SCIN: variants seen among roughly 807,000 people sequenced by gnomAD.
SCIN encodes the protein scinderin, also known as adseverin.
A neutral mutation model predicts 91.8 loss-of-function variants in SCIN; 91 were observed. The ratio of observed to expected loss-of-function variants is 0.99; its 90% CI spans 0.84 to 1.18. SCIN has a LOEUF of 1.18. SCIN is among the 50% of genes most tolerant of loss of function. SCIN has a pLI of 0.00. For synonymous variants in SCIN, 367 were observed against 312.6 expected, an observed-to-expected ratio of 1.17 and a Z score of -1.84; for missense variants, 1,087 against 863.9, an observed-to-expected ratio of 1.26 and a Z score of -3.24.
At position 12,622,889 on chromosome 7, in the gene SCIN, A is replaced by G; in HGVS notation, c.755A>G (p.Tyr252Cys). ...DISNRKMAKL[Y>C]MVSDASGSMR... ...AGTAACAGGAAAATGGCTAAACTAT[A>G]CATGGTGAGTTCACTGTAACCAAAT... is the stretch of plus-strand genomic sequence containing the variant. The change falls in exon 5 of 16, where the codon TAC becomes TGC. Residue 252 changes from tyrosine to cysteine, a missense_variant. Transcript: ENST00000297029. 6.2e-7 allele frequency: 1 copy of G among 1,609,020 alleles called. No homozygotes were observed. Among genetic ancestry groups the G allele is most frequent in the South Asian group, 1.1e-5 (1 of 90,870 alleles).
chr7:12,621,207 C>T (rs1031287121), intron 4 of SCIN, among the ~76,000 whole-genome samples: 6 of 152,084 alleles, frequency 3.9e-5, no homozygotes, highest in African/African-American at 1.4e-4. Flanking sequence ...TTATATACCC[C>T]AGTGACCTCA....
chr7:12,578,491 C>T (rs985184447), intron 2 of SCIN, among the ~76,000 whole-genome samples: 4 of 152,072 alleles, frequency 2.6e-5, no homozygotes, highest in Admixed American at 6.5e-5. Flanking sequence ...TCAGTTGTGT[C>T]TTCACAAGAT....
chr7:12,638,356 G>T (rs973762777), intron 10 of SCIN, among the ~76,000 whole-genome samples: 1 of 152,138 alleles, frequency 6.6e-6, no homozygotes, highest in Non-Finnish European at 1.5e-5. Context: ...CCTGCCTGTT[G>T]TCTTTGGCCA....
chr7:12,592,379 A>G (rs1421743834), intron 3 of SCIN, among the ~76,000 whole-genome samples: 5 of 152,122 alleles, frequency 3.3e-5, no homozygotes, highest in Non-Finnish European at 7.3e-5. Context: ...TGTTGGTCTA[A>G]GAAGACTGCA....
rs1180673298 is a variant in SCIN at position 12,622,973 on chromosome 7, T to C, written c.759+80T>C. On this transcript the variant is annotated intron_variant, in intron 5 of 15. Transcript: ENST00000297029. Reference sequence around the variant, plus strand: ...AGGCCTGTATTGGGCGGGATTCCCGTTGCTGCAGTTGAGAACTCTCCTCAT... The same window carrying C: ...AGGCCTGTATTGGGCGGGATTCCCGCTGCTGCAGTTGAGAACTCTCCTCAT... The C allele has an allele frequency of 9.6e-6, 9 of 934,190 alleles. No homozygotes were observed. In the South Asian group the frequency reaches 9.9e-5, roughly 10 times the overall value. The allele number at this position is 934,190 out of a possible 1,614,324, so 57.9% of individuals were successfully genotyped here. A position where few individuals can be genotyped will look rare whatever the true frequency, so the allele number is the denominator to read the frequency against.
chr7:12,637,430 G>A (rs1463458431), intron 10 of SCIN, among the ~76,000 whole-genome samples: 1 of 152,136 alleles, frequency 6.6e-6, no homozygotes, highest in Non-Finnish European at 1.5e-5. Flanking sequence ...GAGGGAGGAA[G>A]TGGTGGAGAG....
At position 12,622,873 on chromosome 7, in the gene SCIN, A is replaced by G; in HGVS notation, c.739A>G (p.Lys247Glu). 1 of 1,611,950 alleles carries G rather than the reference A, an allele frequency of 6.2e-7. No homozygotes were observed. Among genetic ancestry groups the G allele is most frequent in the Non-Finnish European group, 8.5e-7 (1 of 1,178,356 alleles). Residue 247 changes from lysine to glutamate, a missense_variant, in exon 5 of 16, where the codon AAA (lysine) becomes GAA (glutamate). By Grantham distance (56) the Lys-to-Glu change is moderately conservative. Transcript: ENST00000297029. ...CATTATAGCAGACATAAGTAACAGGAAAATGGCTAAACTATACATGGTGAG... is the reference window on the plus strand; with the variant it reads ...CATTATAGCAGACATAAGTAACAGGGAAATGGCTAAACTATACATGGTGAG... ...DDIIADISNR[K>E]MAKLYMVSDA...
rs1554298408 is a variant in SCIN, at chr7:12,657,572, A to ATATATT, written c.*4858_*4859insATATTT. On this transcript the variant is annotated 3_prime_UTR_variant, in exon 16 of 16. Coordinates refer to ENST00000297029, the MANE Select transcript of SCIN (RefSeq NM_001112706.3). ...TATATATATATATATATATATATATATTTTTTTTTTTTTTTTTTTTTTTTT... is the reference window on the plus strand; with the variant it reads ...TATATATATATATATATATATATATATATATTTTTTTTTTTTTTTTTTTTTTTTTTT... 2 of 22,088 alleles carry ATATATT rather than the reference A, an allele frequency of 9.1e-5. No individual in the cohort carries two copies. Among genetic ancestry groups the ATATATT allele is most frequent in the Non-Finnish European group, 2.6e-4 (2 of 7,720 alleles). The allele number at this position is 22,088 out of a possible 1,614,324, so 1.4% of individuals were successfully genotyped here. A position where few individuals can be genotyped will look rare whatever the true frequency, so the allele number is the denominator to read the frequency against.
At chr7:12,573,741 C>T (rs571582531) in intron 1 of SCIN, among the ~76,000 whole-genome samples, 1 of 152,266 alleles carries the variant, frequency 6.6e-6, no homozygotes, top group East Asian at 1.9e-4. Flanking sequence ...GGTACAAACA[C>T]TTATCCTCAC....
intron 3 of SCIN, among the ~76,000 whole-genome samples, chr7:12,585,298 A>G (rs1363752906): frequency 2.0e-5 from 3 of 151,982 alleles, no homozygotes; most frequent in Non-Finnish European, 4.4e-5. Context: ...CAGCTTATCC[A>G]GCCTCACTCC....
At position 12,651,239 on chromosome 7, in the gene SCIN, A is replaced by G. The variant is rs1721705796; in HGVS notation, c.1960-602A>G. 6.6e-6 allele frequency among the ~76,000 whole-genome samples: 1 copy of G among 152,160 alleles called. No individual in the cohort carries two copies. Among genetic ancestry groups the G allele is most frequent in the Non-Finnish European group, 1.5e-5 (1 of 68,028 alleles). ...ATGGTCTTGTTATGGATAAAACCTC[A>G]CATAAAGTATAGATGGTAAATGTTT... On this transcript the variant is annotated intron_variant, in intron 14 of 15. Coordinates refer to ENST00000297029, the MANE Select transcript of SCIN (RefSeq NM_001112706.3). This position sits in a 1 kb window ranked among gnomAD's most constrained non-coding sequence, Gnocchi z 5.9.
In SCIN at chr7:12,657,547, T is replaced by C. The variant is rs1305238922; in HGVS notation, c.*4832T>C. On this transcript the variant is annotated 3_prime_UTR_variant, in exon 16 of 16. Coordinates refer to ENST00000297029, the MANE Select transcript of SCIN (RefSeq NM_001112706.3). ...TTTTATATATGTGTGTGTATATATA[T>C]ATATATATATATATATATATATATA... 4.9e-5 allele frequency: 1 copy of C among 20,456 alleles called. No homozygotes were observed. Among genetic ancestry groups the C allele is most frequent in the East Asian group, 1.2e-3 (1 of 842 alleles). The allele number at this position is 20,456 out of a possible 1,614,324, so 1.3% of individuals were successfully genotyped here. A position where few individuals can be genotyped will look rare whatever the true frequency, so the allele number is the denominator to read the frequency against.
chr7:12,629,087 T>C lies in SCIN; in HGVS notation c.1198-14T>C, dbSNP rs757573648. On this transcript the variant is annotated splice_polypyrimidine_tract_variant and intron_variant, in intron 8 of 15. Coordinates refer to ENST00000297029, the MANE Select transcript of SCIN (RefSeq NM_001112706.3). ...GAAAATTGTAATTTGTTGTATATATTCCATTCCTTCCAGATTTGGCGTGTA... is the reference window on the plus strand; with the variant it reads ...GAAAATTGTAATTTGTTGTATATATCCCATTCCTTCCAGATTTGGCGTGTA... 14 of 1,606,336 alleles carry C rather than the reference T, an allele frequency of 8.7e-6. No homozygotes were observed. The Admixed American group carries it at 2.4e-4, about 27-fold the overall frequency.
At chr7:12,600,870 A>C (rs908847122) in intron 3 of SCIN, among the ~76,000 whole-genome samples, 6 of 152,202 alleles carry the variant, frequency 3.9e-5, no homozygotes, top group African/African-American at 1.4e-4. Context: ...TTTAGTGCTC[A>C]GTGGCTAAGA....
chr7:12,592,782 A>G (rs1401713887), intron 3 of SCIN, among the ~76,000 whole-genome samples: 3 of 152,194 alleles, frequency 2.0e-5, no homozygotes, highest in Non-Finnish European at 4.4e-5. Flanking sequence ...GTCAACCCCC[A>G]CAACTGAGAC....
At chr7:12,588,631 A>C (rs1562599257) in intron 3 of SCIN, among the ~76,000 whole-genome samples, 1 of 151,870 alleles carries the variant, frequency 6.6e-6, no homozygotes, top group Non-Finnish European at 1.5e-5. Flanking sequence ...TCTCGTGACC[A>C]GGTTACAATA....
At chr7:12,615,809 A>G (rs1344802208) in intron 4 of SCIN, among the ~76,000 whole-genome samples, 1 of 152,154 alleles carries the variant, frequency 6.6e-6, no homozygotes, top group Non-Finnish European at 1.5e-5. Context: ...AGTTTGCTCA[A>G]TTAAAATTTC....
chr7:12,621,935 TTG>T (rs1395318373), intron 4 of SCIN, among the ~76,000 whole-genome samples: 1 of 151,866 alleles, frequency 6.6e-6, no homozygotes, highest in African/African-American at 2.4e-5. Flanking sequence ...AAGGAACTTA[TTG>T]TGTGTTAAAT....
At chr7:12,611,888 A>C (rs569715715) in intron 4 of SCIN, among the ~76,000 whole-genome samples, 10 of 151,812 alleles carry the variant, frequency 6.6e-5, no homozygotes, top group African/African-American at 2.2e-4. Flanking sequence ...TATCCACTGC[A>C]CTCCAGCCTG....
Sources: gnomAD v4.1 joint callset for allele counts (sites outside exome capture counted in the v4.1 genomes callset) on GRCh38, gnomAD v4.1.1 for gene constraint, Gnocchi (gnomAD v3.1) non-coding constraint, MANE v1.5 for transcripts, NCBI Gene and HGNC (gene_info 2026-07-23, HGNC 2026-07-21) for gene names.